Variants in PTPRK observed in about 807,000 individuals in gnomAD.
PTPRK encodes protein tyrosine phosphatase receptor type K.
A neutral mutation model predicts 178.0 loss-of-function variants in PTPRK; 75 were observed. The observed-to-expected ratio is 0.42, with a 90% CI of 0.35 to 0.51. The LOEUF (loss-of-function observed/expected upper bound fraction) is 0.51. Ranked by LOEUF, PTPRK falls within the 20% of genes least tolerant of loss-of-function variation. The probability of loss-of-function intolerance (pLI) is 0.02; values close to 1 mark genes in which losing one functional copy is unlikely to be tolerated. For missense variants in PTPRK, 1,441 were observed against 1,797.8 expected, an observed-to-expected ratio of 0.80 and a Z score of 3.59; for synonymous variants, 637 against 620.6, an observed-to-expected ratio of 1.03 and a Z score of -0.39.
chr6:127,980,083 G>C (rs1342396135), intron 25 of PTPRK, among the ~76,000 whole-genome samples: 1 of 152,176 alleles, frequency 6.6e-6, no homozygotes, highest in Non-Finnish European at 1.5e-5. Flanking sequence ...GGCCGAGGCA[G>C]GTGGATCACC....
intron 3 of PTPRK, among the ~76,000 whole-genome samples, chr6:128,272,404 C>G (rs1203831163): frequency 2.0e-5 from 3 of 152,104 alleles, no homozygotes; most frequent in African/African-American, 7.2e-5. Context: ...AAGAAACTAC[C>G]ATCAGAGTGA....
At chr6:128,341,137 GA>G (rs1831603191) in intron 2 of PTPRK, among the ~76,000 whole-genome samples, 1 of 151,894 alleles carries the variant, frequency 6.6e-6, no homozygotes, top group African/African-American at 2.4e-5. Context: ...TGCCACATTT[GA>G]TTTTTTTTCT....
At chr6:128,303,175 A>G (rs536505558) in intron 3 of PTPRK, among the ~76,000 whole-genome samples, 27 of 152,322 alleles carry the variant, frequency 1.8e-4, no homozygotes, top group African/African-American at 6.3e-4. Context: ...CTGCATCACC[A>G]GTATTTCAGG....
intron 5 of PTPRK, among the ~76,000 whole-genome samples, chr6:128,231,432 T>C (rs1416630343): frequency 1.3e-5 from 2 of 152,156 alleles, no homozygotes; most frequent in Non-Finnish European, 2.9e-5. Context: ...ATCTATCAGC[T>C]AAAGTTTAGA....
At chr6:128,472,766 A>G (rs1850871882) in intron 1 of PTPRK, 1 of 267,646 alleles carries the variant, frequency 3.7e-6, no homozygotes, top group Non-Finnish European at 7.3e-6. Context: ...AAAACTTAAC[A>G]TTGATACACC....
At chr6:128,406,952 A>C (rs1245498911) in intron 1 of PTPRK, among the ~76,000 whole-genome samples, 1 of 152,228 alleles carries the variant, frequency 6.6e-6, no homozygotes, top group Admixed American at 6.5e-5. Context: ...AAAGGGGGGA[A>C]TAGTGAATGA....
chr6:128,093,157 A>C (rs570483332), intron 7 of PTPRK, among the ~76,000 whole-genome samples: 75 of 152,050 alleles, frequency 4.9e-4, no homozygotes, highest in African/African-American at 1.7e-3. Context: ...TCAATTTCCG[A>C]TTTTCTTTTT....
chr6:128,145,586 C>T (rs1237048585), intron 7 of PTPRK, among the ~76,000 whole-genome samples: 1 of 151,730 alleles, frequency 6.6e-6, no homozygotes, highest in Non-Finnish European at 1.5e-5. Context: ...ATGAAGAAAA[C>T]AAATTGAAGA....
intron 2 of PTPRK, among the ~76,000 whole-genome samples, chr6:128,393,581 G>C (rs891577536): frequency 6.6e-6 from 1 of 152,122 alleles, no homozygotes; most frequent in African/African-American, 2.4e-5. Context: ...AGTAAAAATG[G>C]GTAAGAGATT....
At chr6:128,465,500 T>C (rs1849730368) in intron 1 of PTPRK, among the ~76,000 whole-genome samples, 1 of 152,130 alleles carries the variant, frequency 6.6e-6, no homozygotes, top group African/African-American at 2.4e-5. Flanking sequence ...AAAAAAAATG[T>C]AAAAATTATG....
At chr6:128,298,650 C>T (rs1025338978) in intron 3 of PTPRK, among the ~76,000 whole-genome samples, 4 of 152,000 alleles carry the variant, frequency 2.6e-5, no homozygotes, top group Admixed American at 2.6e-4. Context: ...GCAGAAAAGG[C>T]CGTTGACAAA....
chr6:128,365,056 A>G lies in PTPRK; in HGVS notation c.223+32510T>C, dbSNP rs188804042. On this transcript the variant is annotated intron_variant, in intron 2 of 29. Transcript: ENST00000368226. ...TTTGTAACGTAGACTGTATCTGCAT[A>G]TATCTGAATAGATATATTTTGAAAA... 3.9e-5 allele frequency among the ~76,000 whole-genome samples: 6 copies of G among 152,206 alleles called. No individual in the cohort carries two copies. In the East Asian group the frequency reaches 9.7e-4, roughly 24 times the overall value.
chr6:128,355,659 C>T lies in PTPRK; in HGVS notation c.224-33349G>A, dbSNP rs1014845166. Among the ~76,000 whole-genome samples, 11 of 152,064 alleles carry T rather than the reference C, an allele frequency of 7.2e-5. No individual in the cohort carries two copies. In the East Asian group the frequency reaches 7.7e-4, roughly 11 times the overall value. ...CGGGGCCTGTTGTGGGGTGGGAGGA[C>T]GGCGGAGGGATAGCTTTAGGAGATA... On this transcript the variant is annotated intron_variant, in intron 2 of 29. Transcript: ENST00000368226.
At chr6:128,463,783 C>T (rs1584835322) in intron 1 of PTPRK, among the ~76,000 whole-genome samples, 1 of 114,682 alleles carries the variant, frequency 8.7e-6, no homozygotes, top group African/African-American at 3.4e-5. Flanking sequence ...CAGAGTTTCA[C>T]TCTTGTCACC....
intron 2 of PTPRK, among the ~76,000 whole-genome samples, chr6:128,331,168 A>C (rs928152859): frequency 1.3e-5 from 2 of 152,230 alleles, no homozygotes; most frequent in African/African-American, 4.8e-5. Flanking sequence ...TTGTTCATCC[A>C]AAAATCTAGA....
intron 3 of PTPRK, among the ~76,000 whole-genome samples, chr6:128,263,544 G>A (rs1319622769): frequency 3.3e-5 from 5 of 152,112 alleles, no homozygotes; most frequent in African/African-American, 1.2e-4. Context: ...AAATACAGCA[G>A]ATATAAAGCA....
rs538019339 is a variant in PTPRK at position 128,350,623 on chromosome 6, T to C, written c.224-28313A>G. ...AGTGCTTTGTAAATATTTAAGCCAA[T>C]GTTTTTAAAGAAAAATTCAACGTAA... On this transcript the variant is annotated intron_variant, in intron 2 of 29. Coordinates refer to ENST00000368226, the MANE Select transcript of PTPRK (RefSeq NM_002844.4). Among the ~76,000 whole-genome samples the C allele has an allele frequency of 2.6e-5, 4 of 152,336 alleles. No individual in the cohort carries two copies. In the South Asian group the frequency reaches 6.2e-4, roughly 24 times the overall value.
chr6:128,274,343 T>G (rs1195095936), intron 3 of PTPRK, among the ~76,000 whole-genome samples: 3 of 152,118 alleles, frequency 2.0e-5, no homozygotes, highest in Non-Finnish European at 2.9e-5. Flanking sequence ...TTCCAGCACT[T>G]AAAAACCCTC....
intron 6 of PTPRK, among the ~76,000 whole-genome samples, chr6:128,206,705 T>C (rs1278690656): frequency 1.3e-5 from 2 of 152,178 alleles, no homozygotes; most frequent in Non-Finnish European, 2.9e-5. Context: ...AGGTCACTGA[T>C]GTATTGCCAA....
Sources: gnomAD v4.1 joint callset for allele counts (sites outside exome capture counted in the v4.1 genomes callset) on GRCh38, gnomAD v4.1.1 for gene constraint, MANE v1.5 for transcripts, NCBI Gene and HGNC (gene_info 2026-07-23, HGNC 2026-07-21) for gene names.